The following MPP3 variants were observed in gnomAD, a reference collection of about 807,000 sequenced individuals.
The protein encoded by MPP3 is MAGUK p55 scaffold protein 3.
MPP3 carries 48 observed loss-of-function variants against 80.7 expected under a neutral mutation model. The observed-to-expected ratio is 0.59, with a 90% confidence interval of 0.47 to 0.76. MPP3 has a LOEUF of 0.76. Ranked by LOEUF, MPP3 falls within the 30% of genes least tolerant of loss-of-function variation. The pLI is 0.00. For missense variants in MPP3, 620 were observed against 763.0 expected, an observed-to-expected ratio of 0.81 and a Z score of 2.21; for synonymous variants, 311 against 297.6, an observed-to-expected ratio of 1.04 and a Z score of -0.46.
chr17:43,806,057 T>G (rs2044599060), intron 19 of MPP3, among the ~76,000 whole-genome samples: 1 of 152,256 alleles, frequency 6.6e-6, no homozygotes, highest in Admixed American at 6.5e-5. Context: ...TAGTGTATTT[T>G]GTGTGTAACA....
intron 16 of MPP3, chr17:43,811,416 G>C (rs540188443): frequency 8.9e-6 from 5 of 562,616 alleles, no homozygotes; most frequent in Non-Finnish European, 1.6e-5. Flanking sequence ...TAGGCAAAAG[G>C]AGGCTTTTCC....
At chr17:43,817,643 C>T (rs576825599) in intron 12 of MPP3, among the ~76,000 whole-genome samples, 1 of 152,270 alleles carries the variant, frequency 6.6e-6, no homozygotes, top group South Asian at 2.1e-4. Context: ...AATCTGGCAG[C>T]CCTACCAGAG....
chr17:43,816,005 T>C (rs1177830406), intron 14 of MPP3, 33 bp downstream of exon 14: 4 of 1,473,828 alleles, frequency 2.7e-6, no homozygotes, highest in Non-Finnish European at 3.6e-6. Context: ...GTGGGGCAGG[T>C]CGTGCATGTG....
chr17:43,830,772 C>T lies in MPP3; in HGVS notation c.222+472G>A, dbSNP rs769579894. On this transcript the variant is annotated intron_variant, in intron 5 of 19. Coordinates refer to ENST00000398389, the MANE Select transcript of MPP3 (RefSeq NM_001932.6). ...AACCAGAATGGGTTTTCCCCAACCA[C>T]GCAACATAGACGACTAGGTCCACAA... 3.9e-5 allele frequency among the ~76,000 whole-genome samples: 6 copies of T among 152,170 alleles called. No individual in the cohort carries two copies. In the East Asian group the frequency reaches 1.2e-3, roughly 29 times the overall value.
intron 19 of MPP3, among the ~76,000 whole-genome samples, chr17:43,803,388 G>C (rs764512293): frequency 1.3e-5 from 2 of 152,208 alleles, no homozygotes; most frequent in South Asian, 4.1e-4. Flanking sequence ...TTGCTTAGCA[G>C]TCATAAATCC....
chr17:43,828,570 C>CA (rs1491478638), intron 7 of MPP3, among the ~76,000 whole-genome samples: 1 of 152,154 alleles, frequency 6.6e-6, no homozygotes, highest in Non-Finnish European at 1.5e-5. Flanking sequence ...GCATTTAACT[C>CA]ACAGTGTTGT....
chr17:43,820,945 G>T lies in MPP3; in HGVS notation c.798C>A (p.Asp266Glu), dbSNP rs377033537. The change falls in exon 11 of 20, where the codon GAC (aspartate) becomes GAA (glutamate). Residue 266 changes from aspartate (D) to glutamate (E), a missense_variant. Transcript: ENST00000398389. ...GCTTGGCCTGCCACCACGTGGGGTC[G>T]TCCTGGCTCACCACCTCCAGGACCT... is the stretch of plus-strand genomic sequence containing the variant. Reference protein sequence around the residue: ...RRQVLEVVSQDDPTWWQAKRV... With the variant: ...RRQVLEVVSQEDPTWWQAKRV... 13 of 1,613,810 alleles carry T rather than the reference G, an allele frequency of 8.1e-6. No homozygotes were observed. The highest frequency in any genetic ancestry group is 1.0e-5 in the Non-Finnish European group (12 of 1,179,986).
At chr17:43,823,321 G>T (rs1012482655) in intron 10 of MPP3, among the ~76,000 whole-genome samples, 1 of 152,014 alleles carries the variant, frequency 6.6e-6, no homozygotes, top group Non-Finnish European at 1.5e-5. Context: ...CTCCTCTCCA[G>T]AGTGCCAGGG....
chr17:43,827,329 CTTTT>C (rs1197926220), intron 8 of MPP3, among the ~76,000 whole-genome samples: 2 of 99,010 alleles, frequency 2.0e-5, no homozygotes, highest in East Asian at 6.2e-4. Flanking sequence ...TTTTTTTTTT[CTTTT>C]TTTTTTTTTT....
In MPP3 at chr17:43,818,351, A is replaced by G. The variant is rs530122486; in HGVS notation, c.882-241T>C. Among the ~76,000 whole-genome samples, 31 of 152,308 alleles carry G rather than the reference A, an allele frequency of 2.0e-4. No individual in the cohort carries two copies. The South Asian group carries it at 6.2e-3, about 31-fold the overall frequency. On this transcript the variant is annotated intron_variant, in intron 11 of 19. Transcript: ENST00000398389. ...CTCCAGAAATAGCTCATCCAGCTCA[A>G]GATGGCCACACAGGATCCAGCCCGG...
intron 5 of MPP3, 57 bp downstream of exon 5, chr17:43,831,187 G>T: frequency 6.6e-7 from 1 of 1,522,770 alleles, no homozygotes. Flanking sequence ...GCAAGATGAA[G>T]GAGCCCTACA....
chr17:43,815,903 G>A lies in MPP3; in HGVS notation c.1009+135C>T, dbSNP rs542806322. Reference sequence around the variant, plus strand: ...CTGCTTGGGTTGAGAGAACTGAGGAGAGATGGGGGTCCCATAGGCTCCACT... The same window carrying A: ...CTGCTTGGGTTGAGAGAACTGAGGAAAGATGGGGGTCCCATAGGCTCCACT... On this transcript the variant is annotated intron_variant, in intron 14 of 19. Transcript: ENST00000398389. 8.1e-5 allele frequency: 66 copies of A among 819,408 alleles called. 2 individuals are homozygous for A. The Admixed American group carries it at 1.8e-3, about 23-fold the overall frequency. The allele number at this position is 819,408 out of a possible 1,614,324, so 50.8% of individuals were successfully genotyped here. A position where few individuals can be genotyped will look rare whatever the true frequency, so the allele number is the denominator to read the frequency against.
intron 16 of MPP3, among the ~76,000 whole-genome samples, chr17:43,813,776 C>G (rs1333586050): frequency 6.6e-6 from 1 of 152,092 alleles, no homozygotes; most frequent in African/African-American, 2.4e-5. Context: ...CATCTCCCAC[C>G]CCAGGCAGGA....
intron 11 of MPP3, among the ~76,000 whole-genome samples, chr17:43,819,245 A>G (rs2045305855): frequency 6.6e-6 from 1 of 152,210 alleles, no homozygotes; most frequent in South Asian, 2.1e-4. Flanking sequence ...CCACACACCA[A>G]AAGATGTGAG....
chr17:43,803,159 C>T (rs73320313), intron 19 of MPP3, among the ~76,000 whole-genome samples: 6,061 of 152,118 alleles, frequency 0.04, 403 homozygotes, highest in African/African-American at 0.14. Context: ...TTCAACCCCA[C>T]CTTCCCCACT....
chr17:43,833,043 C>A (rs987060211), intron 1 of MPP3, 58 bp downstream of exon 1: 6 of 151,644 alleles, frequency 4.0e-5, no homozygotes, highest in Non-Finnish European at 8.8e-5. Flanking sequence ...GGCCCGGCCT[C>A]CCGCCCCTCC....
At chr17:43,831,139 G>C in intron 5 of MPP3, 105 bp downstream of exon 5, 3 of 1,032,688 alleles carry the variant, frequency 2.9e-6, no homozygotes, top group Non-Finnish European at 4.5e-6. Context: ...TCACCTTTGG[G>C]CTCCTGATTC....
intron 7 of MPP3, among the ~76,000 whole-genome samples, chr17:43,829,439 CT>C: frequency 6.6e-6 from 1 of 152,324 alleles, no homozygotes; most frequent in East Asian, 1.9e-4. Flanking sequence ...AGGTTATTAA[CT>C]ACACAAAGGG....
intron 9 of MPP3, among the ~76,000 whole-genome samples, 170 bp from the exon 10 acceptor site, chr17:43,824,175 C>T (rs768710276): frequency 6.6e-5 from 10 of 152,210 alleles, no homozygotes; most frequent in Non-Finnish European, 1.2e-4. Context: ...AAACAAAACT[C>T]AGTAACCAAG....
Sources: allele counts gnomAD v4.1 joint callset (sites outside exome capture counted in the v4.1 genomes callset), GRCh38; gene constraint gnomAD v4.1.1; transcripts MANE v1.5; gene names NCBI Gene and HGNC (gene_info 2026-07-23, HGNC 2026-07-21).